The following BEND2 variants were observed in gnomAD, a reference collection of about 807,000 sequenced individuals.
BEND2 encodes BEN domain containing 2.
BEND2 carries 19 observed loss-of-function variants against 43.8 expected under a neutral mutation model. The observed-to-expected ratio is 0.43, with a 90% CI of 0.30 to 0.64. The LOEUF is 0.64. Ranked by LOEUF, BEND2 falls within the 30% of genes least tolerant of loss-of-function variation. BEND2 has a pLI of 0.11. For missense variants in BEND2, 544 were observed against 574.0 expected (o/e 0.95, Z 0.53); for synonymous variants, 226 against 210.1 (o/e 1.08, Z -0.66).
chrX:18,212,239 C>T (rs1925531469), intron 4 of BEND2, among the ~76,000 whole-genome samples: 1 of 109,126 alleles, frequency 9.2e-6, no homozygotes. Context: ...GGATTGCAGG[C>T]ATGCACCACC....
intron 4 of BEND2, among the ~76,000 whole-genome samples, chrX:18,204,681 A>G (rs1348146424): frequency 9.0e-6 from 1 of 111,698 alleles, no homozygotes; most frequent in Non-Finnish European, 1.9e-5. Context: ...GGTGACACAG[A>G]GCCAAGAGGC....
intron 6 of BEND2, among the ~76,000 whole-genome samples, chrX:18,197,289 G>A (rs1924985543): frequency 9.0e-6 from 1 of 110,752 alleles, no homozygotes; most frequent in East Asian, 2.8e-4. Context: ...ACAAAAATTA[G>A]CCAGGCATGG....
intron 4 of BEND2, among the ~76,000 whole-genome samples, chrX:18,211,155 C>G (rs189464535): frequency 2.2e-3 from 251 of 111,777 alleles, no homozygotes; most frequent in Non-Finnish European, 2.7e-3. Context: ...ATTGCCTACA[C>G]TACTTATGTG....
intron 8 of BEND2, among the ~76,000 whole-genome samples, chrX:18,187,707 C>A (rs954417523): frequency 8.9e-6 from 1 of 111,821 alleles, no homozygotes; most frequent in Admixed American, 9.5e-5. Flanking sequence ...CTGCAAATAC[C>A]TATTAATATT....
intron 4 of BEND2, among the ~76,000 whole-genome samples, chrX:18,210,375 A>G (rs1250658623): frequency 8.9e-6 from 1 of 112,207 alleles, no homozygotes; most frequent in African/African-American, 3.2e-5. Context: ...AAAAGAACAT[A>G]TGAAAGAAAG....
intron 8 of BEND2, among the ~76,000 whole-genome samples, chrX:18,186,854 C>T (rs1314675829): frequency 9.2e-6 from 1 of 108,692 alleles, no homozygotes; most frequent in Non-Finnish European, 1.9e-5. Flanking sequence ...GTAGTCCAAG[C>T]TACTTTGGAG....
At chrX:18,170,838 C>T (rs996017379) in intron 13 of BEND2, 163 bp downstream of exon 13, 1 of 959,512 alleles carries the variant, frequency 1.0e-6, no homozygotes. Context: ...GAGAGAAATA[C>T]AATTCATGAT....
At chrX:18,171,764 G>A (rs868421218) in intron 12 of BEND2, among the ~76,000 whole-genome samples, 41 of 111,797 alleles carry the variant, frequency 3.7e-4, no homozygotes, top group Middle Eastern at 4.2e-3. Context: ...TTACCTTTTA[G>A]GATACAAGAA....
At chrX:18,195,921 G>A (rs1384890306) in intron 6 of BEND2, among the ~76,000 whole-genome samples, 1 of 96,955 alleles carries the variant, frequency 1.0e-5, no homozygotes, top group African/African-American at 3.7e-5. Context: ...AGGGAGGGAG[G>A]GAGGGAGGGA....
intron 8 of BEND2, among the ~76,000 whole-genome samples, chrX:18,184,642 A>C (rs147604755): frequency 0.012 from 1,325 of 112,021 alleles, 12 homozygotes; most frequent in African/African-American, 0.039. Context: ...AGAAACTTAG[A>C]TCACAACACC....
Position 18,212,586 on chromosome X carries a change from T to G in BEND2, c.471A>C (p.Arg157Ser). ...CTACCTCTGGAGTATAGAATCTTCC[T>G]CTTTTTGGAAAATCCACTTCCTCTG... ...YNSEEVDFPK[R>S]GRFYTPEVQS... Residue 157 changes from arginine (R) to serine (S), a missense_variant, in exon 4 of 14, where the codon AGA becomes AGC. Coordinates refer to ENST00000380033, the MANE Select transcript of BEND2 (RefSeq NM_153346.5). 1 of 1,198,292 alleles carries G rather than the reference T, an allele frequency of 8.3e-7. No individual in the cohort carries two copies. Among genetic ancestry groups the G allele is most frequent in the Non-Finnish European group, 1.1e-6 (1 of 883,456 alleles).
chrX:18,212,670 A>T lies in BEND2; in HGVS notation c.387T>A (p.Gly129=), dbSNP rs1386686543. The part of the protein sequence containing the change: ...RRTPPCPVAH[G]DQIVSQINHP... Reference sequence around the variant, plus strand: ...GGTTTATCTGTGAAACTATTTGGTCACCATGGGCTACTGTGAAGCAATGCA... The same window carrying T: ...GGTTTATCTGTGAAACTATTTGGTCTCCATGGGCTACTGTGAAGCAATGCA... The change falls in exon 4 of 14, where the codon GGT becomes GGA. Residue 129 remains glycine, a synonymous_variant. Transcript: ENST00000380033. 1 of 1,187,124 alleles carries T rather than the reference A, an allele frequency of 8.4e-7. No homozygotes were observed. The highest frequency in any genetic ancestry group is 1.8e-5 in the South Asian group (1 of 55,894).
At chrX:18,177,211 T>TC (rs1209948837) in intron 10 of BEND2, among the ~76,000 whole-genome samples, 8 of 85,016 alleles carry the variant, frequency 9.4e-5, no homozygotes, top group South Asian at 7.3e-4. Context: ...AGTCTTTTAT[T>TC]CCCCCCCGCC....
At chrX:18,190,933 G>A (rs1924749694) in intron 8 of BEND2, 68 bp downstream of exon 8, 2 of 941,796 alleles carry the variant, frequency 2.1e-6, no homozygotes, top group Admixed American at 2.8e-5. Flanking sequence ...AGGTACACAA[G>A]ATCTCTCTGT....
intron 2 of BEND2, among the ~76,000 whole-genome samples, chrX:18,216,224 T>G (rs1436462042): frequency 9.0e-6 from 1 of 111,015 alleles, no homozygotes; most frequent in Non-Finnish European, 1.9e-5. Flanking sequence ...GCTTTTTACT[T>G]TTGCATTGCC....
intron 2 of BEND2, among the ~76,000 whole-genome samples, chrX:18,215,703 T>C (rs183429877): frequency 8.9e-6 from 1 of 112,528 alleles, no homozygotes; most frequent in East Asian, 2.8e-4. Context: ...AGAGAACTTA[T>C]GGCCTGCAAA....
chrX:18,213,371 A>T (rs143230813), intron 3 of BEND2, among the ~76,000 whole-genome samples: 1 of 111,469 alleles, frequency 9.0e-6, no homozygotes, highest in South Asian at 3.8e-4. Flanking sequence ...CCTGCATCAC[A>T]GTTACTGGGA....
intron 8 of BEND2, among the ~76,000 whole-genome samples, chrX:18,188,307 G>T (rs1344594927): frequency 9.0e-6 from 1 of 111,303 alleles, no homozygotes; most frequent in African/African-American, 3.3e-5. Flanking sequence ...CTAAGAAAAA[G>T]AGACAGTGAT....
Position 18,220,852 on chromosome X carries a change from T to A in BEND2, c.-102A>T. The stretch of plus-strand genomic sequence containing the variant: ...CTGAGGTAACTGCTTGGTAACTGTG[T>A]GGTAACTGCGTACACTCGTTGTCCG... On this transcript the variant is annotated 5_prime_UTR_variant, in exon 1 of 14. Transcript: ENST00000380033. 1.1e-6 allele frequency: 1 copy of A among 932,308 alleles called. No individual in the cohort carries two copies. Among genetic ancestry groups the A allele is most frequent in the Non-Finnish European group, 1.5e-6 (1 of 669,269 alleles). 76.8% of individuals were successfully genotyped at this position (932,308 alleles called of 1,213,427 possible).
Sources: gnomAD v4.1 joint callset for allele counts (sites outside exome capture counted in the v4.1 genomes callset) on GRCh38, gnomAD v4.1.1 for gene constraint, MANE v1.5 for transcripts, NCBI Gene and HGNC (gene_info 2026-07-23, HGNC 2026-07-21) for gene names.